The following ADCY9 variants were observed in gnomAD, a reference collection of about 807,000 sequenced individuals.
ADCY9 encodes adenylate cyclase 9.
ADCY9 carries 50 observed loss-of-function variants against 101.5 expected under a neutral mutation model. The ratio of observed to expected loss-of-function variants is 0.49; its 90% CI spans 0.39 to 0.62. The LOEUF is 0.62. ADCY9 is among the 20% of genes least tolerant of loss of function. The probability of loss-of-function intolerance (pLI) is 0.00; values close to 1 mark genes in which losing one functional copy is unlikely to be tolerated. For synonymous variants in ADCY9, 905 were observed against 769.3 expected (o/e 1.18, Z -2.92); for missense variants, 1,662 against 1,800.4 (o/e 0.92, Z 1.39).
chr16:4,010,234 C>A (rs971472266), intron 2 of ADCY9, among the ~76,000 whole-genome samples: 1 of 152,200 alleles, frequency 6.6e-6, no homozygotes, highest in Non-Finnish European at 1.5e-5. Context: ...CAGGTGACTG[C>A]GCACCTGCTC....
Position 4,116,133 on chromosome 16 carries a change from G to T in ADCY9, c.-487C>A, listed in dbSNP as rs1456561641. 1 of 145,950 alleles carries T rather than the reference G, an allele frequency of 6.9e-6. No individual in the cohort carries two copies. The highest frequency in any genetic ancestry group is 1.5e-5 in the Non-Finnish European group (1 of 65,720). The allele number at this position is 145,950 out of a possible 1,614,324, so 9.0% of individuals were successfully genotyped here. ...TGCGCGGAGCCCGTCGGCGCGGCCC[G>T]TCTAGTGGGGCCTGCTTCCCCCCGA... On this transcript the variant is annotated 5_prime_UTR_variant, in exon 1 of 11. Transcript: ENST00000294016.
At chr16:3,958,839 T>C (rs1342957126), downstream of ADCY9, among the ~76,000 whole-genome samples, 1 of 151,548 alleles carries the variant, frequency 6.6e-6, no homozygotes, top group East Asian at 2.0e-4. Flanking sequence ...CCTGGCTGAT[T>C]TGATTTTTGT....
chr16:4,108,894 T>C (rs2057096417), intron 2 of ADCY9, among the ~76,000 whole-genome samples: 1 of 150,756 alleles, frequency 6.6e-6, no homozygotes, highest in Non-Finnish European at 1.5e-5. Flanking sequence ...TTAGTAAATA[T>C]GGGGTTTCAC....
intron 2 of ADCY9, among the ~76,000 whole-genome samples, chr16:4,071,813 T>G (rs76710017): frequency 2.3e-5 from 2 of 88,856 alleles, no homozygotes; most frequent in Non-Finnish European, 2.4e-5. Context: ...GAATTCTGGG[T>G]TTTTTTGTTT....
chr16:4,028,938 C>T (rs929935537), intron 2 of ADCY9, among the ~76,000 whole-genome samples: 1 of 152,092 alleles, frequency 6.6e-6, no homozygotes, highest in Non-Finnish European at 1.5e-5. Flanking sequence ...GCACCTGCCA[C>T]TGCACGCGGC....
chr16:4,091,939 T>TA (rs2056976291), intron 2 of ADCY9, among the ~76,000 whole-genome samples: 1 of 152,188 alleles, frequency 6.6e-6, no homozygotes, highest in African/African-American at 2.4e-5. Flanking sequence ...CTGTTCACCT[T>TA]AAAAATCATT....
At chr16:3,979,304 C>T (rs377692548) in intron 7 of ADCY9, 29 bp from the exon 8 acceptor site, 77 of 1,610,034 alleles carry the variant, frequency 4.8e-5, no homozygotes, top group Non-Finnish European at 6.0e-5. Context: ...TTAGCAGGAG[C>T]GACGGGGCCC....
At chr16:4,012,396 G>A (rs1300308064) in intron 2 of ADCY9, among the ~76,000 whole-genome samples, 1 of 148,776 alleles carries the variant, frequency 6.7e-6, no homozygotes, top group Non-Finnish European at 1.5e-5. Context: ...CTCTGCAGGC[G>A]ACATGATTTA....
At chr16:4,004,230 C>T (rs1051581241) in intron 3 of ADCY9, among the ~76,000 whole-genome samples, 2 of 123,408 alleles carry the variant, frequency 1.6e-5, no homozygotes, top group Non-Finnish European at 3.2e-5. Context: ...GCCTGGGCAA[C>T]AGAGCGAGAT....
intron 2 of ADCY9, among the ~76,000 whole-genome samples, chr16:4,089,361 G>A (rs2056959393): frequency 1.3e-5 from 2 of 151,980 alleles, no homozygotes; most frequent in South Asian, 4.2e-4. Context: ...TTCAGTATTC[G>A]TCCACGTTGT....
At position 4,115,212 on chromosome 16, in the gene ADCY9, C is replaced by T; in HGVS notation, c.231G>A (p.Lys77=). ...CCCTCTCGAACAGCTGGGGCAGCTT[C>T]TTCTGCCTGCGCAGCCGGCCTCCGC... is the stretch of plus-strand genomic sequence containing the variant. ...VGGGGRLRRQ[K]KLPQLFERAS... The change falls in exon 2 of 11, where the codon AAG becomes AAA. Residue 77 remains lysine, a synonymous_variant. Transcript: ENST00000294016. The surrounding 1 kb of genome is among the most constrained non-coding windows in gnomAD (Gnocchi z 6.2). 1 of 1,613,508 alleles carries T rather than the reference C, an allele frequency of 6.2e-7. No homozygotes were observed. Among genetic ancestry groups the T allele is most frequent in the East Asian group, 2.2e-5 (1 of 44,862 alleles).
In ADCY9 at chr16:4,115,071, G is replaced by A. The variant is rs771991695; in HGVS notation, c.372C>T (p.Gly124=). 2 of 1,614,030 alleles carry A rather than the reference G, an allele frequency of 1.2e-6. No homozygotes were observed. The highest frequency in any genetic ancestry group is 1.6e-4 in the Middle Eastern group (1 of 6,062). ...RRFRYALFYI[G]FACLLWSIYF... ...AGATGCTCCACAGAAGGCAGGCGAA[G>A]CCGATGTAGAAGAGCGCATACCGGA... The change falls in exon 2 of 11, where the codon GGC becomes GGT. Residue 124 remains glycine, a synonymous_variant. Coordinates refer to ENST00000294016, the MANE Select transcript of ADCY9 (RefSeq NM_001116.4). The surrounding 1 kb of genome is among the most constrained non-coding windows in gnomAD (Gnocchi z 6.2).
At chr16:3,999,158 G>C (rs2531973) in intron 3 of ADCY9, among the ~76,000 whole-genome samples, 87,285 of 151,920 alleles carry the variant, frequency 0.57, 25,293 homozygotes, top group South Asian at 0.7. Flanking sequence ...CCAGGAAGCT[G>C]CAGGCATGGA....
chr16:3,993,899 G>A (rs2056267335), intron 3 of ADCY9, among the ~76,000 whole-genome samples: 1 of 152,136 alleles, frequency 6.6e-6, no homozygotes, highest in Non-Finnish European at 1.5e-5. Context: ...CAGATATTAC[G>A]TGATCCCGTC....
chr16:4,020,076 C>CA (rs56249170), intron 2 of ADCY9, among the ~76,000 whole-genome samples: 33 of 150,686 alleles, frequency 2.2e-4, no homozygotes, highest in African/African-American at 3.4e-4. Context: ...GACTCCATCT[C>CA]AAAAAAAGAA....
At chr16:4,042,378 A>G (rs1353052391) in intron 2 of ADCY9, among the ~76,000 whole-genome samples, 1 of 152,170 alleles carries the variant, frequency 6.6e-6, no homozygotes, top group African/African-American at 2.4e-5. Flanking sequence ...ATTCATTTCT[A>G]AAAAGAGAGG....
intron 2 of ADCY9, among the ~76,000 whole-genome samples, chr16:4,042,335 G>T (rs1824832266): frequency 6.6e-6 from 1 of 152,010 alleles, no homozygotes; most frequent in Non-Finnish European, 1.5e-5. Context: ...CAAAGTGCTG[G>T]GATTACATGT....
At chr16:4,067,383 T>C (rs938758493) in intron 2 of ADCY9, among the ~76,000 whole-genome samples, 3 of 152,128 alleles carry the variant, frequency 2.0e-5, no homozygotes, top group Admixed American at 6.5e-5. Context: ...TGCTTCTGAG[T>C]TGGCTGAGCA....
Position 4,062,361 on chromosome 16 carries a change from T to C in ADCY9, c.1693+51389A>G, listed in dbSNP as rs115134866. 6.6e-3 allele frequency among the ~76,000 whole-genome samples: 998 copies of C among 152,212 alleles called. 15 individuals carry two copies. Among genetic ancestry groups the C allele is most frequent in the African/African-American group, 0.022 (916 of 41,530 alleles). The stretch of plus-strand genomic sequence containing the variant: ...AAAAAGATGTGAGACAGAGAAAACA[T>C]AGCAAAATGTTAGATGTAATCCAAG... On this transcript the variant is annotated intron_variant, in intron 2 of 10. Transcript: ENST00000294016.
Sources: gnomAD v4.1 joint callset for allele counts (sites outside exome capture counted in the v4.1 genomes callset) on GRCh38, gnomAD v4.1.1 for gene constraint, Gnocchi (gnomAD v3.1) non-coding constraint, MANE v1.5 for transcripts, NCBI Gene and HGNC (gene_info 2026-07-23, HGNC 2026-07-21) for gene names.